CCDC91: variants seen among roughly 807,000 people sequenced by gnomAD.
The protein encoded by CCDC91 is coiled-coil domain containing 91.
In CCDC91, 48 loss-of-function variants were observed where a neutral mutation model predicts 63.2. That is an observed-to-expected ratio of 0.76 (90% confidence interval 0.60 to 0.97). The LOEUF is 0.97. CCDC91 is among the 50% of genes least tolerant of loss of function. The probability of loss-of-function intolerance (pLI) is 0.00; values close to 1 mark genes in which losing one functional copy is unlikely to be tolerated. For missense variants in CCDC91, 500 were observed against 494.6 expected, an observed-to-expected ratio of 1.01 and a Z score of -0.10; for synonymous variants, 167 against 165.8, an observed-to-expected ratio of 1.01 and a Z score of -0.06.
chr12:28,194,851 G>A (rs895826911), intron 1 of CCDC91, among the ~76,000 whole-genome samples: 19 of 151,696 alleles, frequency 1.3e-4, no homozygotes, highest in African/African-American at 2.7e-4. Context: ...TGGCGTGTCC[G>A]GAGTTGTTCG....
intron 11 of CCDC91, among the ~76,000 whole-genome samples, chr12:28,462,026 G>A (rs184667639): frequency 6.6e-6 from 1 of 151,778 alleles, no homozygotes; most frequent in Admixed American, 6.6e-5. Flanking sequence ...AGAGGGTGCT[G>A]CAACGAATTC....
At chr12:28,240,963 A>T (rs1246084176) in intron 1 of CCDC91, among the ~76,000 whole-genome samples, 1 of 152,176 alleles carries the variant, frequency 6.6e-6, no homozygotes, top group African/African-American at 2.4e-5. Context: ...CCAAGTGATC[A>T]TACTGTTTTA....
chr12:28,394,711 G>GCTCT (rs151131648), intron 8 of CCDC91, among the ~76,000 whole-genome samples: 17 of 137,036 alleles, frequency 1.2e-4, no homozygotes, highest in African/African-American at 3.6e-4. Flanking sequence ...TCTGTTTCTT[G>GCTCT]CTCTCTCTCT....
chr12:28,274,470 T>C (rs1383303648), intron 3 of CCDC91, among the ~76,000 whole-genome samples: 1 of 152,204 alleles, frequency 6.6e-6, no homozygotes, highest in Non-Finnish European at 1.5e-5. Flanking sequence ...TTCCTACTCA[T>C]GAGCATGGAA....
intron 1 of CCDC91, among the ~76,000 whole-genome samples, chr12:28,198,659 T>G (rs1413354295): frequency 6.6e-6 from 1 of 152,230 alleles, no homozygotes; most frequent in Non-Finnish European, 1.5e-5. Context: ...ATTTTAAGTT[T>G]TATCTCTTGT....
intron 3 of CCDC91, among the ~76,000 whole-genome samples, chr12:28,276,429 A>T (rs1358695240): frequency 1.2e-4 from 19 of 152,042 alleles, no homozygotes; most frequent in Non-Finnish European, 4.4e-5. Flanking sequence ...TCACAAGTGC[A>T]TGAGGAAAAT....
chr12:28,230,435 T>G (rs1462172438), intron 1 of CCDC91, among the ~76,000 whole-genome samples: 2 of 152,136 alleles, frequency 1.3e-5, no homozygotes, highest in African/African-American at 2.4e-5. Context: ...GGAGCAAAAC[T>G]GAGTACTAAA....
chr12:28,366,810 A>T (rs575710149), intron 7 of CCDC91, among the ~76,000 whole-genome samples: 10 of 152,180 alleles, frequency 6.6e-5, no homozygotes, highest in Admixed American at 6.5e-4. Context: ...GGGAACAATA[A>T]TGTGGTACCC....
At chr12:28,221,140 T>G (rs1421887104) in intron 1 of CCDC91, among the ~76,000 whole-genome samples, 2 of 152,168 alleles carry the variant, frequency 1.3e-5, no homozygotes, top group East Asian at 3.8e-4. Flanking sequence ...GTTATACTAT[T>G]GCTGTTTTTT....
chr12:28,445,156 A>G (rs565616980), intron 8 of CCDC91, among the ~76,000 whole-genome samples: 21 of 152,318 alleles, frequency 1.4e-4, no homozygotes, highest in Admixed American at 3.9e-4. Flanking sequence ...AACTAATATC[A>G]AATGAGTGAT....
intron 3 of CCDC91, among the ~76,000 whole-genome samples, chr12:28,285,114 T>C (rs556958709): frequency 5.9e-5 from 9 of 152,294 alleles, no homozygotes; most frequent in South Asian, 4.1e-4. Flanking sequence ...TTAGAACTTA[T>C]TAATTGTAAA....
intron 3 of CCDC91, among the ~76,000 whole-genome samples, chr12:28,285,382 A>C (rs1472042558): frequency 6.6e-6 from 1 of 152,126 alleles, no homozygotes; most frequent in South Asian, 2.1e-4. Flanking sequence ...AGCTTATGAA[A>C]CTTAAATATG....
chr12:28,352,933 T>G (rs1398857075), intron 6 of CCDC91, among the ~76,000 whole-genome samples: 1 of 152,220 alleles, frequency 6.6e-6, no homozygotes, highest in Non-Finnish European at 1.5e-5. Context: ...AGTCATTGAC[T>G]TCTTCCCTCT....
chr12:28,373,755 C>T (rs1251396872), intron 7 of CCDC91, among the ~76,000 whole-genome samples: 2 of 152,042 alleles, frequency 1.3e-5, no homozygotes, highest in Non-Finnish European at 2.9e-5. Context: ...AATTGTAGTT[C>T]CTATAATCCC....
At chr12:28,375,645 T>G (rs1294763086) in intron 7 of CCDC91, among the ~76,000 whole-genome samples, 1 of 151,972 alleles carries the variant, frequency 6.6e-6, no homozygotes, top group Admixed American at 6.6e-5. Context: ...AAAAATCTTT[T>G]ATTCTGATAA....
chr12:28,306,759 C>CA lies in CCDC91; in HGVS notation c.286dup (p.Thr96AsnfsTer14). ...TGGTTTAGATTCAGCAATCAACACA[C>CA]ACTCATCTGGATATCTCACTTTTTC... On this transcript the variant is annotated frameshift_variant, in exon 5 of 13. Coordinates refer to ENST00000536442, the MANE Select transcript of CCDC91 (RefSeq NM_018318.5). LOFTEE classifies it high-confidence loss of function. The CA allele has an allele frequency of 6.2e-7, 1 of 1,608,928 alleles. No homozygotes were observed. The highest frequency in any genetic ancestry group is 8.5e-7 in the Non-Finnish European group (1 of 1,176,682).
intron 7 of CCDC91, among the ~76,000 whole-genome samples, chr12:28,374,422 T>C (rs1304427229): frequency 6.6e-6 from 1 of 152,132 alleles, no homozygotes; most frequent in Non-Finnish European, 1.5e-5. Flanking sequence ...TAATTTGAGA[T>C]TACACATTTC....
At chr12:28,510,507 A>G (rs538273481) in intron 12 of CCDC91, among the ~76,000 whole-genome samples, 2 of 152,044 alleles carry the variant, frequency 1.3e-5, no homozygotes, top group African/African-American at 4.8e-5. Context: ...CTTCGTACTC[A>G]GTCTTTTTGT....
intron 1 of CCDC91, among the ~76,000 whole-genome samples, chr12:28,202,744 C>T (rs1266581573): frequency 2.0e-5 from 3 of 152,208 alleles, no homozygotes; most frequent in Non-Finnish European, 4.4e-5. Context: ...TTACTGAGTA[C>T]TTGCATGAGC....
Sources: gnomAD v4.1 joint callset for allele counts (sites outside exome capture counted in the v4.1 genomes callset) on GRCh38, gnomAD v4.1.1 for gene constraint, MANE v1.5 for transcripts, NCBI Gene and HGNC (gene_info 2026-07-23, HGNC 2026-07-21) for gene names.